COL28A1: variants seen among roughly 807,000 people sequenced by gnomAD.
COL28A1 encodes the protein collagen alpha-1(XXVIII) chain.
In COL28A1, 161 loss-of-function variants were observed where a neutral mutation model predicts 150.2. The ratio of observed to expected loss-of-function variants is 1.07; its 90% confidence interval spans 0.94 to 1.22. The LOEUF is 1.22. Among genes scored for constraint, COL28A1 ranks in the 50% most tolerant of loss-of-function variants. COL28A1 has a pLI of 0.00. For synonymous variants in COL28A1, 552 were observed against 469.7 expected, an observed-to-expected ratio of 1.18 and a Z score of -2.26; for missense variants, 1,617 against 1,388.3, an observed-to-expected ratio of 1.16 and a Z score of -2.62.
At chr7:7,390,079 C>T (rs557721269) in intron 27 of COL28A1, among the ~76,000 whole-genome samples, 37 of 152,212 alleles carry the variant, frequency 2.4e-4, no homozygotes, top group South Asian at 4.1e-4. Context: ...CAAATTTCAA[C>T]GGGAATGCTT....
chr7:7,542,773 G>T, the COL28A1 span, among the ~76,000 whole-genome samples: 1 of 152,164 alleles, frequency 6.6e-6, no homozygotes, highest in African/African-American at 2.4e-5. Context: ...ATAATGGCAG[G>T]AAAACAAGCT....
chr7:7,525,111 C>CA (rs770859803), intron 3 of COL28A1, among the ~76,000 whole-genome samples: 7 of 151,828 alleles, frequency 4.6e-5, no homozygotes, highest in Non-Finnish European at 8.8e-5. Flanking sequence ...TTATGAAAAA[C>CA]AAAAAAACAA....
intron 27 of COL28A1, among the ~76,000 whole-genome samples, chr7:7,410,294 T>C (rs754970928): frequency 6.6e-6 from 1 of 152,190 alleles, no homozygotes; most frequent in Non-Finnish European, 1.5e-5. Flanking sequence ...TCAATGTCTA[T>C]AACCAGGTTT....
At chr7:7,346,739 C>A in the COL28A1 span, among the ~76,000 whole-genome samples, 1 of 151,632 alleles carries the variant, frequency 6.6e-6, no homozygotes, top group African/African-American at 2.4e-5. Flanking sequence ...CAAGGTAAAA[C>A]AAAAATAAGC....
chr7:7,372,434 T>TA (rs1781283637), intron 32 of COL28A1, among the ~76,000 whole-genome samples: 1 of 147,310 alleles, frequency 6.8e-6, no homozygotes, highest in Admixed American at 6.6e-5. Flanking sequence ...AATAAATAAA[T>TA]AAATAAATGG....
chr7:7,379,613 T>G (rs1442222720), intron 30 of COL28A1, among the ~76,000 whole-genome samples: 1 of 152,156 alleles, frequency 6.6e-6, no homozygotes, highest in East Asian at 1.9e-4. Flanking sequence ...TGGAGCCTGA[T>G]CCAGAGTAAG....
intron 9 of COL28A1, among the ~76,000 whole-genome samples, chr7:7,508,693 GTTGT>G (rs916445354): frequency 6.6e-6 from 1 of 152,152 alleles, no homozygotes; most frequent in Non-Finnish European, 1.5e-5. Flanking sequence ...TGTTGTTGTT[GTTGT>G]TTGAGACAGG....
At chr7:7,434,534 T>A (rs1785206541) in intron 23 of COL28A1, among the ~76,000 whole-genome samples, 1 of 152,196 alleles carries the variant, frequency 6.6e-6, no homozygotes, top group Admixed American at 6.5e-5. Flanking sequence ...TACTTTTCAG[T>A]TTTTATTTCT....
At chr7:7,422,296 G>A (rs1039659606) in intron 25 of COL28A1, among the ~76,000 whole-genome samples, 23 of 151,986 alleles carry the variant, frequency 1.5e-4, no homozygotes, top group African/African-American at 7.3e-5. Context: ...ATTCATTTCC[G>A]TTCACCTGTG....
chr7:7,399,913 T>C (rs1471209464), intron 27 of COL28A1, among the ~76,000 whole-genome samples: 1 of 152,244 alleles, frequency 6.6e-6, no homozygotes, highest in East Asian at 1.9e-4. Context: ...CAGTATGCAA[T>C]GCCAGCCAGA....
intron 33 of COL28A1, among the ~76,000 whole-genome samples, chr7:7,362,819 A>C (rs1158083355): frequency 6.6e-6 from 1 of 152,142 alleles, no homozygotes; most frequent in Non-Finnish European, 1.5e-5. Context: ...TCATTATACT[A>C]GAGAATTTAA....
At chr7:7,342,692 T>A in the COL28A1 span, among the ~76,000 whole-genome samples, 3 of 152,082 alleles carry the variant, frequency 2.0e-5, no homozygotes, top group African/African-American at 7.2e-5. Flanking sequence ...ACCAGAACAT[T>A]AGAATATCTT....
At chr7:7,375,859 C>T (rs1160267896) in intron 30 of COL28A1, among the ~76,000 whole-genome samples, 1 of 152,160 alleles carries the variant, frequency 6.6e-6, no homozygotes, top group Non-Finnish European at 1.5e-5. Context: ...AACATACCTA[C>T]GGTGCTGTGG....
chr7:7,518,314 A>G (rs556275860), intron 6 of COL28A1, among the ~76,000 whole-genome samples: 1 of 152,328 alleles, frequency 6.6e-6, no homozygotes, highest in South Asian at 2.1e-4. Flanking sequence ...TTTAACACAA[A>G]AAAAAGAAGA....
intron 27 of COL28A1, among the ~76,000 whole-genome samples, chr7:7,417,101 C>T (rs1045968249): frequency 2.0e-5 from 3 of 151,998 alleles, no homozygotes; most frequent in African/African-American, 7.3e-5. Context: ...ACATCATCAA[C>T]ATATTAGAAG....
intron 15 of COL28A1, among the ~76,000 whole-genome samples, chr7:7,465,249 G>A (rs1432581055): frequency 4.0e-5 from 5 of 124,218 alleles, no homozygotes; most frequent in South Asian, 3.1e-4. Flanking sequence ...GTGTGTGTGC[G>A]CACCGTGCGC....
rs1224326015 is a variant in COL28A1, at chr7:7,381,617, A to G, written c.2137-5T>C. 3 of 1,609,442 alleles carry G rather than the reference A, an allele frequency of 1.9e-6. No homozygotes were observed. The highest frequency in any genetic ancestry group is 1.7e-5 in the Admixed American group (1 of 59,990). ...GCCTTGTGGTCCTTGTTCCCCCTAC[A>G]TAGGATATGAGAAAGAGATGTTCTA... On this transcript the variant is annotated splice_region_variant and splice_polypyrimidine_tract_variant and intron_variant, in intron 27 of 34. Coordinates refer to ENST00000399429, the MANE Select transcript of COL28A1 (RefSeq NM_001037763.3).
chr7:7,492,418 TAA>T (rs756842702), intron 11 of COL28A1, among the ~76,000 whole-genome samples: 11 of 124,628 alleles, frequency 8.8e-5, no homozygotes, highest in Admixed American at 2.4e-4. Context: ...CTAAAAATAC[TAA>T]AAAAAAAAAA....
In COL28A1 at chr7:7,443,605, T is replaced by C; in HGVS notation, c.1630A>G (p.Lys544Glu). The C allele has an allele frequency of 6.2e-7, 1 of 1,614,134 alleles. No homozygotes were observed. Among genetic ancestry groups the C allele is most frequent in the Non-Finnish European group, 8.5e-7 (1 of 1,180,014 alleles). Residue 544 changes from lysine to glutamate, a missense_variant, in exon 20 of 35, where the codon AAA becomes GAA. Coordinates refer to ENST00000399429, the MANE Select transcript of COL28A1 (RefSeq NM_001037763.3). ...GARGPEGPPG[K>E]GQPGPKGDEG... ...CATACCTTGGGGCCAGGCTGTCCTT[T>C]TCCAGGTGGTCCTTCTGGGCCTCTT...
Sources: allele counts gnomAD v4.1 joint callset (sites outside exome capture counted in the v4.1 genomes callset), GRCh38; gene constraint gnomAD v4.1.1; transcripts MANE v1.5; gene names NCBI Gene and HGNC (gene_info 2026-07-23, HGNC 2026-07-21).